Variants in TEAD1 observed in about 807,000 individuals in gnomAD.
TEAD1 encodes TEA domain transcription factor 1.
Under a neutral mutation model 54.9 loss-of-function variants are expected in TEAD1, and 9 were observed. That is an observed-to-expected ratio of 0.16 (90% CI 0.10 to 0.29). TEAD1 has a LOEUF of 0.29. Ranked by LOEUF, TEAD1 falls within the 10% of genes least tolerant of loss-of-function variation. The pLI, the probability that TEAD1 is intolerant of heterozygous loss-of-function variation, is 1.00. For synonymous variants in TEAD1, 200 were observed against 187.8 expected, an observed-to-expected ratio of 1.07 and a Z score of -0.53; for missense variants, 387 against 535.9, an observed-to-expected ratio of 0.72 and a Z score of 2.74.
intron 10 of TEAD1, among the ~76,000 whole-genome samples, chr11:12,912,853 T>C (rs569185244): frequency 6.6e-6 from 1 of 152,280 alleles, no homozygotes; most frequent in East Asian, 1.9e-4. Context: ...CAGCTATTCC[T>C]AAAAGACTTT....
At chr11:12,877,781 TTCCTTCCTTTTC>T (rs1263800031) in intron 5 of TEAD1, among the ~76,000 whole-genome samples, 2 of 133,298 alleles carry the variant, frequency 1.5e-5, no homozygotes, top group Non-Finnish European at 3.2e-5. Flanking sequence ...CCTCCCTTTC[TTCCTTCCTTTTC>T]TCCTTCATTC....
chr11:12,744,598 G>A (rs769681509), intron 2 of TEAD1, among the ~76,000 whole-genome samples: 28 of 152,152 alleles, frequency 1.8e-4, no homozygotes, highest in Non-Finnish European at 3.7e-4. Flanking sequence ...TATGGGTAAA[G>A]TTAATTTTCT....
At chr11:12,891,036 A>G (rs1948187780) in intron 9 of TEAD1, among the ~76,000 whole-genome samples, 1 of 152,202 alleles carries the variant, frequency 6.6e-6, no homozygotes, top group South Asian at 2.1e-4. Flanking sequence ...AAGTGCTGGG[A>G]TTACAGATGT....
At chr11:12,748,861 G>A (rs1944806639) in intron 2 of TEAD1, among the ~76,000 whole-genome samples, 1 of 151,710 alleles carries the variant, frequency 6.6e-6, no homozygotes, top group Non-Finnish European at 1.5e-5. Context: ...GGGATCCAGG[G>A]GAGGCAGGGG....
Position 12,882,988 on chromosome 11 carries a change from A to G in TEAD1, c.575-13A>G. The G allele has an allele frequency of 2.5e-6, 4 of 1,614,002 alleles. No homozygotes were observed. The highest frequency in any genetic ancestry group is 3.4e-6 in the Non-Finnish European group (4 of 1,179,988). On this transcript the variant is annotated splice_polypyrimidine_tract_variant and intron_variant, in intron 8 of 12. Transcript: ENST00000527636. ...TGAGTGACCAGCATCAAAGGTGACG[A>G]TTGCTCTTTCAGGGTTTGAGCCTGC...
At chr11:12,919,125 C>T (rs774875254) in intron 10 of TEAD1, among the ~76,000 whole-genome samples, 140 of 152,286 alleles carry the variant, frequency 9.2e-4, no homozygotes, top group African/African-American at 3.1e-3. Flanking sequence ...TTATGTAAAA[C>T]TGTTAACTTT....
rs540375435 is a variant in TEAD1 at position 12,939,749 on chromosome 11, T to G, written c.*2527T>G. 2 of 152,396 alleles carry G rather than the reference T, an allele frequency of 1.3e-5. No individual in the cohort carries two copies. The highest frequency in any genetic ancestry group is 3.9e-4 in the East Asian group (2 of 5,188). 9.4% of individuals were successfully genotyped at this position (152,396 alleles called of 1,614,324 possible). On this transcript the variant is annotated 3_prime_UTR_variant, in exon 13 of 13. Transcript: ENST00000527636. ...TTTCTAAGGATTTTTAAAAGTTTAC[T>G]TCTTGTCTTGTTCTTCTAAAGCTTT...
chr11:12,748,146 G>T (rs967257656), intron 2 of TEAD1, among the ~76,000 whole-genome samples: 1 of 152,066 alleles, frequency 6.6e-6, no homozygotes, highest in African/African-American at 2.4e-5. Context: ...ATTCTTAGTA[G>T]TGATGAGGTT....
chr11:12,779,743 A>G (rs1349015773), intron 3 of TEAD1, among the ~76,000 whole-genome samples: 1 of 152,220 alleles, frequency 6.6e-6, no homozygotes, highest in East Asian at 1.9e-4. Context: ...ACCAAGTGGG[A>G]TTTATCCCAG....
chr11:12,795,222 A>G (rs1333826657), intron 3 of TEAD1, among the ~76,000 whole-genome samples: 1 of 152,046 alleles, frequency 6.6e-6, no homozygotes, highest in Non-Finnish European at 1.5e-5. Context: ...TTCAGTCTCT[A>G]ACTTTGTTGT....
intron 2 of TEAD1, among the ~76,000 whole-genome samples, chr11:12,759,965 A>T (rs902897949): frequency 3.3e-5 from 5 of 152,246 alleles, no homozygotes; most frequent in Non-Finnish European, 7.3e-5. Flanking sequence ...TGCCCATAAG[A>T]ATCTGAAAGC....
intron 5 of TEAD1, chr11:12,879,434 C>A: frequency 1.7e-6 from 1 of 601,104 alleles, no homozygotes; most frequent in Non-Finnish European, 3.0e-6. Flanking sequence ...AATACGTTGT[C>A]CACTCTTCTG....
At chr11:12,908,825 A>C (rs1336692263) in intron 10 of TEAD1, among the ~76,000 whole-genome samples, 1 of 151,626 alleles carries the variant, frequency 6.6e-6, no homozygotes, top group Admixed American at 6.6e-5. Flanking sequence ...CTGACACTCC[A>C]CTTTTATACC....
At chr11:12,838,867 G>A (rs1423463152) in intron 3 of TEAD1, among the ~76,000 whole-genome samples, 1 of 152,230 alleles carries the variant, frequency 6.6e-6, no homozygotes. Flanking sequence ...TGGTTATAGA[G>A]TGATAATATT....
intron 2 of TEAD1, among the ~76,000 whole-genome samples, chr11:12,735,634 C>G (rs768872051): frequency 2.0e-5 from 3 of 150,744 alleles, no homozygotes; most frequent in Non-Finnish European, 4.4e-5. Flanking sequence ...ATAGCTGTGA[C>G]CAAGGCAGAC....
intron 10 of TEAD1, among the ~76,000 whole-genome samples, chr11:12,921,538 C>CAAAAAA (rs10684810): frequency 9.2e-5 from 12 of 130,788 alleles, no homozygotes; most frequent in Non-Finnish European, 9.6e-5. Context: ...AACTCCATCT[C>CAAAAAA]AAAAAAAAAA....
At chr11:12,770,014 A>G (rs925485403) in intron 3 of TEAD1, among the ~76,000 whole-genome samples, 9 of 152,256 alleles carry the variant, frequency 5.9e-5, no homozygotes, top group African/African-American at 2.2e-4. Context: ...TGTTTATTTA[A>G]TGATCTTAGA....
At chr11:12,809,686 G>T (rs1024179238) in intron 3 of TEAD1, among the ~76,000 whole-genome samples, 6 of 152,178 alleles carry the variant, frequency 3.9e-5, no homozygotes, top group African/African-American at 1.4e-4. Flanking sequence ...CAAGTCTAAA[G>T]GAGGGGGCAA....
intron 3 of TEAD1, among the ~76,000 whole-genome samples, chr11:12,774,987 A>G (rs933148958): frequency 1.3e-5 from 2 of 152,210 alleles, no homozygotes; most frequent in Admixed American, 6.5e-5. Flanking sequence ...CTTTACCCAT[A>G]TAACAAACCT....
Sources: allele counts gnomAD v4.1 joint callset (sites outside exome capture counted in the v4.1 genomes callset), GRCh38; gene constraint gnomAD v4.1.1; transcripts MANE v1.5; gene names NCBI Gene and HGNC (gene_info 2026-07-23, HGNC 2026-07-21).